FXYD6: variants seen among roughly 807,000 people sequenced by gnomAD.
FXYD6 encodes FXYD domain containing ion transport regulator 6, also known as FXYD domain-containing ion transport regulator 6.
FXYD6 carries 7 observed loss-of-function variants against 16.7 expected under a neutral mutation model. The ratio of observed to expected loss-of-function variants is 0.42; its 90% CI spans 0.24 to 0.79. FXYD6 has a LOEUF of 0.79. Ranked by LOEUF, FXYD6 falls within the 30% of genes least tolerant of loss-of-function variation. The pLI, the probability that FXYD6 is intolerant of heterozygous loss-of-function variation, is 0.28. For synonymous variants in FXYD6, 49 were observed against 43.0 expected (o/e 1.14, Z -0.54); for missense variants, 111 against 116.2 (o/e 0.95, Z 0.21).
Position 117,841,486 on chromosome 11 carries a change from G to A in FXYD6, c.173-302C>T, listed in dbSNP as rs549740419. 1.4e-5 allele frequency: 8 copies of A among 589,010 alleles called. No individual in the cohort carries two copies. The Admixed American group carries it at 2.1e-4, about 15-fold the overall frequency. The allele number at this position is 589,010 out of a possible 1,614,324, so 36.5% of individuals were successfully genotyped here. A position where few individuals can be genotyped will look rare whatever the true frequency, so the allele number is the denominator to read the frequency against. On this transcript the variant is annotated intron_variant, in intron 4 of 7. Transcript: ENST00000526014. ...CGGAGGCACATCCCTCGCACACTAG[G>A]GCAGCACCTGTCTCCTTCCTCCGTG...
intron 1 of FXYD6, among the ~76,000 whole-genome samples, chr11:117,862,390 T>C (rs945430680): frequency 1.4e-4 from 22 of 152,144 alleles, no homozygotes; most frequent in Non-Finnish European, 2.6e-4. Flanking sequence ...CTCACACAGA[T>C]GCACCTAAAA....
rs1056356725 is a variant in FXYD6, at chr11:117,875,084, G to T, written c.-6+1508C>A. ...TCTCTCCCCTGCCTCAGCCCAGCCT[G>T]AGACTTATTTAGATGTACTGTGTGT... On this transcript the variant is annotated intron_variant, in intron 1 of 7. Coordinates refer to ENST00000526014, the MANE Select transcript of FXYD6 (RefSeq NM_022003.4). Among the ~76,000 whole-genome samples the T allele has an allele frequency of 7.7e-5, 11 of 143,538 alleles. No individual in the cohort carries two copies. In the Admixed American group the frequency reaches 7.8e-4, roughly 10 times the overall value. 94.2% of individuals were successfully genotyped at this position (143,538 alleles called of 152,430 possible). A position where few individuals can be genotyped will look rare whatever the true frequency, so the allele number is the denominator to read the frequency against.
intron 1 of FXYD6, among the ~76,000 whole-genome samples, chr11:117,850,751 C>G (rs1342190105): frequency 1.3e-5 from 2 of 151,276 alleles, no homozygotes; most frequent in Non-Finnish European, 2.9e-5. Flanking sequence ...CCTTGGCCTC[C>G]CAAAGTGCTG....
rs185759571 is a variant in FXYD6, at chr11:117,866,056, G to A, written c.-6+10536C>T. Reference sequence around the variant, plus strand: ...AGCCAGTCACAGAAGGACAAGTACTGTATGATTCCACTCATATGAGGCACG... The same window carrying A: ...AGCCAGTCACAGAAGGACAAGTACTATATGATTCCACTCATATGAGGCACG... On this transcript the variant is annotated intron_variant, in intron 1 of 7. Coordinates refer to ENST00000526014, the MANE Select transcript of FXYD6 (RefSeq NM_022003.4). Among the ~76,000 whole-genome samples the A allele has an allele frequency of 3.5e-4, 54 of 152,284 alleles. No individual in the cohort carries two copies. The East Asian group carries it at 5.0e-3, about 14-fold the overall frequency.
At chr11:117,866,652 C>T (rs937876046) in intron 1 of FXYD6, among the ~76,000 whole-genome samples, 7 of 152,200 alleles carry the variant, frequency 4.6e-5, no homozygotes, top group Admixed American at 1.3e-4. Flanking sequence ...TGAGCTTTGG[C>T]ATCAGCACAG....
chr11:117,862,912 A>G (rs990814240), intron 1 of FXYD6, among the ~76,000 whole-genome samples: 2 of 152,162 alleles, frequency 1.3e-5, no homozygotes, highest in Non-Finnish European at 2.9e-5. Context: ...TACATGTTGC[A>G]TATTCCTGTT....
Position 117,837,366 on chromosome 11 carries a change from C to T in FXYD6, c.*933G>A, listed in dbSNP as rs2056223445. On this transcript the variant is annotated 3_prime_UTR_variant, in exon 8 of 8. Transcript: ENST00000526014. The surrounding 1 kb of genome is among the most constrained non-coding windows in gnomAD (Gnocchi z 4.4). ...CAGGAGTCCTTCAACTATTGCCTGC[C>T]AGAGACCCAATTGCAGGGACTGTAG... 6.6e-6 allele frequency: 1 copy of T among 152,600 alleles called. No individual in the cohort carries two copies. Among genetic ancestry groups the T allele is most frequent in the Non-Finnish European group, 1.5e-5 (1 of 68,102 alleles). 9.5% of individuals were successfully genotyped at this position (152,600 alleles called of 1,614,324 possible). A position where few individuals can be genotyped will look rare whatever the true frequency, so the allele number is the denominator to read the frequency against.
chr11:117,841,102 C>A (rs762509150), intron 5 of FXYD6, 46 bp downstream of exon 5: 2 of 1,612,928 alleles, frequency 1.2e-6, no homozygotes, highest in Non-Finnish European at 1.7e-6. Flanking sequence ...CCCTTCCTGT[C>A]CCACCTAGTA....
rs553524393 is a variant in FXYD6, at chr11:117,858,799, C to T, written c.-5-16018G>A. ...TTCCTTCTTTCTTTTCTTTTTTAGACAGTCTCGCTCTGTCACCAGGCTGGA... is the reference window on the plus strand; with the variant it reads ...TTCCTTCTTTCTTTTCTTTTTTAGATAGTCTCGCTCTGTCACCAGGCTGGA... On this transcript the variant is annotated intron_variant, in intron 1 of 7. Coordinates refer to ENST00000526014, the MANE Select transcript of FXYD6 (RefSeq NM_022003.4). 1.3e-4 allele frequency among the ~76,000 whole-genome samples: 14 copies of T among 110,742 alleles called. 1 individual carries two copies. Among genetic ancestry groups the T allele is most frequent in the South Asian group, 2.8e-4 (1 of 3,602 alleles). 72.7% of individuals were successfully genotyped at this position (110,742 alleles called of 152,430 possible). A position where few individuals can be genotyped will look rare whatever the true frequency, so the allele number is the denominator to read the frequency against.
At chr11:117,855,781 C>T (rs912602262) in intron 1 of FXYD6, among the ~76,000 whole-genome samples, 1 of 152,206 alleles carries the variant, frequency 6.6e-6, no homozygotes, top group Admixed American at 6.5e-5. Flanking sequence ...TGGACCTTTG[C>T]CTGGGGGCCT....
rs2134122859 is a variant in FXYD6 at position 117,837,011 on chromosome 11, T to C, written c.*1288A>G. ...AACAAAGGATATTTTATTCCTTTTT[T>C]CTGTTGTTGTTGAGGATAGATCACG... On this transcript the variant is annotated 3_prime_UTR_variant, in exon 8 of 8. Coordinates refer to ENST00000526014, the MANE Select transcript of FXYD6 (RefSeq NM_022003.4). The surrounding 1 kb of genome is among the most constrained non-coding windows in gnomAD (Gnocchi z 4.4). 1 of 152,324 alleles carries C rather than the reference T, an allele frequency of 6.6e-6. No homozygotes were observed. Among genetic ancestry groups the C allele is most frequent in the East Asian group, 1.9e-4 (1 of 5,188 alleles). 9.4% of individuals were successfully genotyped at this position (152,324 alleles called of 1,614,324 possible).
chr11:117,840,016 C>T, intron 6 of FXYD6, 186 bp from the exon 7 acceptor site: 1 of 727,572 alleles, frequency 1.4e-6, no homozygotes, highest in Non-Finnish European at 2.3e-6. Flanking sequence ...ACCTGGTAAC[C>T]TCTCTCAGTC....
Position 117,842,751 on chromosome 11 carries a change from C to T in FXYD6, c.26G>A (p.Cys9Tyr). The T allele has an allele frequency of 6.4e-7, 1 of 1,569,532 alleles. No individual in the cohort carries two copies. Among genetic ancestry groups the T allele is most frequent in the Non-Finnish European group, 8.6e-7 (1 of 1,156,578 alleles). Residue 9 changes from cysteine to tyrosine, a missense_variant, in exon 2 of 8, where the codon TGC becomes TAC. By Grantham distance (194) the Cys-to-Tyr change is radical (BLOSUM62 -2). Coordinates refer to ENST00000526014, the MANE Select transcript of FXYD6 (RefSeq NM_022003.4). ...CAGGACCATGGGGGCCAGCAGGCTG[C>T]AGAGGAAGACCAGCACCAACTCCAT... MELVLVFL[C>Y]SLLAPMVLAS...
chr11:117,857,873 G>A (rs771322317), intron 1 of FXYD6, among the ~76,000 whole-genome samples: 5 of 152,228 alleles, frequency 3.3e-5, no homozygotes, highest in South Asian at 2.1e-4. Flanking sequence ...CCATGAAAGG[G>A]CCATGCCTGC....
intron 7 of FXYD6, 83 bp downstream of exon 7, chr11:117,839,698 A>G: frequency 6.4e-7 from 1 of 1,560,604 alleles, no homozygotes; most frequent in Non-Finnish European, 8.8e-7. Context: ...AGCTAGCCCC[A>G]TCCTTCCCGC....
At chr11:117,859,321 C>A (rs1288106126) in intron 1 of FXYD6, among the ~76,000 whole-genome samples, 2 of 152,086 alleles carry the variant, frequency 1.3e-5, no homozygotes, top group Non-Finnish European at 1.5e-5. Context: ...ACAAAGCACA[C>A]CCCTGACTCA....
intron 1 of FXYD6, among the ~76,000 whole-genome samples, chr11:117,856,252 T>C (rs1036144013): frequency 1.3e-5 from 2 of 151,704 alleles, no homozygotes; most frequent in African/African-American, 2.4e-5. Flanking sequence ...ACATGCTCTA[T>C]TATTTTTGAT....
chr11:117,859,370 G>C (rs540682283), intron 1 of FXYD6, among the ~76,000 whole-genome samples: 26 of 152,234 alleles, frequency 1.7e-4, no homozygotes, highest in Non-Finnish European at 2.5e-4. Context: ...GAACCAGAAG[G>C]CTGGACACAG....
At chr11:117,860,077 G>A (rs930616546) in intron 1 of FXYD6, among the ~76,000 whole-genome samples, 1 of 152,156 alleles carries the variant, frequency 6.6e-6, no homozygotes, top group Non-Finnish European at 1.5e-5. Context: ...GGGAAAGAGA[G>A]GTGCCCTGGA....
Sources: allele counts gnomAD v4.1 joint callset (sites outside exome capture counted in the v4.1 genomes callset), GRCh38; gene constraint gnomAD v4.1.1; non-coding constraint Gnocchi (gnomAD v3.1); transcripts MANE v1.5; gene names NCBI Gene and HGNC (gene_info 2026-07-23, HGNC 2026-07-21).